The following PEX5L variants were observed in gnomAD, a reference collection of about 807,000 sequenced individuals.
PEX5L encodes the protein PEX5-related protein.
In PEX5L, 30 loss-of-function variants were observed where a neutral mutation model predicts 84.0. That is an observed-to-expected ratio of 0.36 (90% CI 0.27 to 0.48). PEX5L has a LOEUF of 0.48. Ranked by LOEUF, PEX5L falls within the 20% of genes least tolerant of loss-of-function variation. The pLI is 0.99. For missense variants in PEX5L, 533 were observed against 754.6 expected, an observed-to-expected ratio of 0.71 and a Z score of 3.44; for synonymous variants, 270 against 283.1, an observed-to-expected ratio of 0.95 and a Z score of 0.46.
intron 2 of PEX5L, among the ~76,000 whole-genome samples, chr3:179,910,984 C>T (rs1469622473): frequency 6.6e-6 from 1 of 152,190 alleles, no homozygotes; most frequent in South Asian, 2.1e-4. Context: ...AAAAAACCCT[C>T]TCAATTCTCT....
chr3:179,883,920 C>T (rs1330278077), intron 4 of PEX5L, among the ~76,000 whole-genome samples: 5 of 152,146 alleles, frequency 3.3e-5, no homozygotes, highest in East Asian at 1.9e-4. Context: ...AAATATTTAT[C>T]GCTACTAGAA....
chr3:179,802,129 T>A, intron 14 of PEX5L, 97 bp from the exon 15 acceptor site: 1 of 839,100 alleles, frequency 1.2e-6, no homozygotes, highest in Non-Finnish European at 2.0e-6. Flanking sequence ...GATTTTAATC[T>A]AAAATCTTAA....
intron 8 of PEX5L, among the ~76,000 whole-genome samples, chr3:179,823,484 T>C (rs796080211): frequency 5.9e-5 from 9 of 152,350 alleles, no homozygotes; most frequent in African/African-American, 2.2e-4. Flanking sequence ...ATAACTCTTT[T>C]ATGGGATGAG....
chr3:179,809,444 C>A (rs1307471275), intron 12 of PEX5L, 27 bp downstream of exon 12: 3 of 1,572,726 alleles, frequency 1.9e-6, no homozygotes, highest in South Asian at 2.2e-5. Flanking sequence ...GTGTTTACTG[C>A]CAGCTGTAAT....
chr3:179,924,462 G>A (rs564824130), intron 2 of PEX5L, among the ~76,000 whole-genome samples: 2 of 152,108 alleles, frequency 1.3e-5, no homozygotes, highest in Admixed American at 1.3e-4. Flanking sequence ...AAACCTAAAC[G>A]CAAAGCTGAA....
At position 179,857,548 on chromosome 3, in the gene PEX5L, G is replaced by A. The variant is rs192780432; in HGVS notation, c.822+1514C>T. Among the ~76,000 whole-genome samples the A allele has an allele frequency of 3.9e-5, 6 of 152,264 alleles. No individual in the cohort carries two copies. In the East Asian group the frequency reaches 5.8e-4, roughly 15 times the overall value. ...CGACTTCTAAGGTCTCTATCAAAGCGAAGATTAAATGATTTGTGAATATAT... is the reference window on the plus strand; with the variant it reads ...CGACTTCTAAGGTCTCTATCAAAGCAAAGATTAAATGATTTGTGAATATAT... On this transcript the variant is annotated intron_variant, in intron 8 of 14. Coordinates refer to ENST00000467460, the MANE Select transcript of PEX5L (RefSeq NM_016559.3).
At chr3:179,865,918 C>T (rs1378311916) in intron 7 of PEX5L, among the ~76,000 whole-genome samples, 1 of 152,126 alleles carries the variant, frequency 6.6e-6, no homozygotes, top group Non-Finnish European at 1.5e-5. Flanking sequence ...TACTGGAGTT[C>T]ACAAATGTAC....
intron 8 of PEX5L, chr3:179,820,658 G>C (rs1438823087): frequency 6.6e-6 from 1 of 152,244 alleles, no homozygotes; most frequent in African/African-American, 2.4e-5. Context: ...TTTCCTTGTA[G>C]TTTCCCACAC....
chr3:179,995,686 A>G (rs1787822825), intron 1 of PEX5L, among the ~76,000 whole-genome samples: 1 of 152,128 alleles, frequency 6.6e-6, no homozygotes, highest in African/African-American at 2.4e-5. Context: ...AGAAGCAAAT[A>G]AGACTCATAT....
chr3:180,022,662 T>C (rs1289182651), intron 1 of PEX5L, among the ~76,000 whole-genome samples: 1 of 152,206 alleles, frequency 6.6e-6, no homozygotes, highest in Non-Finnish European at 1.5e-5. Context: ...GGTTTATACA[T>C]ACAATCAAGA....
intron 2 of PEX5L, among the ~76,000 whole-genome samples, chr3:179,921,309 GC>G (rs1487775768): frequency 6.6e-6 from 1 of 152,074 alleles, no homozygotes; most frequent in Admixed American, 6.5e-5. Flanking sequence ...TTAGCCAATA[GC>G]ATGTCACACT....
chr3:180,005,469 C>T (rs2110440222), intron 1 of PEX5L, among the ~76,000 whole-genome samples: 1 of 152,302 alleles, frequency 6.6e-6, no homozygotes, highest in South Asian at 2.1e-4. Flanking sequence ...TGGCTCACGC[C>T]TGTAATCCCA....
Position 179,887,761 on chromosome 3 carries a change from G to T in PEX5L, c.222C>A (p.Ser74Arg). The T allele has an allele frequency of 1.2e-6, 2 of 1,613,674 alleles. No homozygotes were observed. The highest frequency in any genetic ancestry group is 1.7e-6 in the Non-Finnish European group (2 of 1,179,596). The stretch of plus-strand genomic sequence containing the variant: ...CGATGGAGGGACTCAGGAGGGGTCT[G>T]CTTTCTTGTTGCTCATTCACCAGCT... Reference protein sequence around the residue: ...TSQLVNEQQESRPLLSPSIDD... With the variant: ...TSQLVNEQQERRPLLSPSIDD... The change falls in exon 4 of 15, where the codon AGC (serine) becomes AGA (arginine). Residue 74 changes from serine to arginine, a missense_variant. Transcript: ENST00000467460.
chr3:180,002,475 T>C (rs1242147492), intron 1 of PEX5L, among the ~76,000 whole-genome samples: 1 of 152,126 alleles, frequency 6.6e-6, no homozygotes, highest in Non-Finnish European at 1.5e-5. Flanking sequence ...GTTAATTTGA[T>C]CATCTTGTTA....
intron 1 of PEX5L, among the ~76,000 whole-genome samples, chr3:180,031,677 T>A (rs1791482648): frequency 6.6e-6 from 1 of 152,220 alleles, no homozygotes; most frequent in Non-Finnish European, 1.5e-5. Flanking sequence ...AAGGTAATTT[T>A]AAAATATAAA....
chr3:179,897,920 G>T (rs919708464), intron 3 of PEX5L, among the ~76,000 whole-genome samples: 1 of 151,962 alleles, frequency 6.6e-6, no homozygotes, highest in Middle Eastern at 3.2e-3. Flanking sequence ...CTTAACTAAA[G>T]TTGAGTAATG....
rs1188289881 is a variant in PEX5L at position 179,831,384 on chromosome 3, T to A, written c.823-11408A>T. The stretch of plus-strand genomic sequence containing the variant: ...TAATGTCTTTATAAGATAGATTTTT[T>A]AAAAATATGGAACCTCTTTGAAGTA... On this transcript the variant is annotated intron_variant, in intron 8 of 14. Transcript: ENST00000467460. Among the ~76,000 whole-genome samples, 5 of 152,232 alleles carry A rather than the reference T, an allele frequency of 3.3e-5. No individual in the cohort carries two copies. The East Asian group carries it at 9.6e-4, about 29-fold the overall frequency.
chr3:179,835,708 A>C (rs2109252526), intron 8 of PEX5L, among the ~76,000 whole-genome samples: 1 of 152,358 alleles, frequency 6.6e-6, no homozygotes, highest in African/African-American at 2.4e-5. Context: ...CTAAATATTT[A>C]AGGAAAATAA....
At chr3:179,825,785 A>C (rs1730264520) in intron 8 of PEX5L, among the ~76,000 whole-genome samples, 1 of 152,248 alleles carries the variant, frequency 6.6e-6, no homozygotes, top group South Asian at 2.1e-4. Flanking sequence ...AAATCTCTTA[A>C]GAGTAAGCGT....
Sources: gnomAD v4.1 joint callset for allele counts (sites outside exome capture counted in the v4.1 genomes callset) on GRCh38, gnomAD v4.1.1 for gene constraint, MANE v1.5 for transcripts, NCBI Gene and HGNC (gene_info 2026-07-23, HGNC 2026-07-21) for gene names.